GRID2: variants seen among roughly 807,000 people sequenced by gnomAD.
GRID2 encodes the protein glutamate ionotropic receptor delta type subunit 2.
GRID2 carries 33 observed loss-of-function variants against 114.8 expected under a neutral mutation model. The ratio of observed to expected loss-of-function variants is 0.29; its 90% CI spans 0.22 to 0.38. GRID2 has a LOEUF of 0.38. Among genes scored for constraint, GRID2 ranks in the 10% least tolerant of loss-of-function variants. GRID2 has a pLI of 1.00. For missense variants in GRID2, 1,184 were observed against 1,257.7 expected (o/e 0.94, Z 0.89); for synonymous variants, 505 against 449.9 (o/e 1.12, Z -1.55).
chr4:92,929,269 A>C (rs945733656), intron 2 of GRID2, among the ~76,000 whole-genome samples: 1 of 151,482 alleles, frequency 6.6e-6, no homozygotes, highest in African/African-American at 2.4e-5. Context: ...TTATCTAAAA[A>C]AGACTGATTT....
intron 14 of GRID2, among the ~76,000 whole-genome samples, chr4:93,693,707 G>A (rs989893751): frequency 2.6e-5 from 4 of 152,072 alleles, no homozygotes; most frequent in Admixed American, 1.3e-4. Flanking sequence ...AACAAACTAA[G>A]AGATTTAATT....
At chr4:92,821,004 T>C (rs960714088) in intron 2 of GRID2, among the ~76,000 whole-genome samples, 1 of 152,094 alleles carries the variant, frequency 6.6e-6, no homozygotes, top group African/African-American at 2.4e-5. Flanking sequence ...ATAAACAACT[T>C]ATACATGGAA....
intron 1 of GRID2, among the ~76,000 whole-genome samples, chr4:92,339,967 C>G (rs1452507394): frequency 2.0e-5 from 3 of 151,908 alleles, no homozygotes; most frequent in Non-Finnish European, 4.4e-5. Context: ...GAGCTTAGCA[C>G]GTGTAAACTG....
intron 3 of GRID2, among the ~76,000 whole-genome samples, chr4:93,088,499 C>A (rs1730516353): frequency 6.6e-6 from 1 of 152,022 alleles, no homozygotes; most frequent in South Asian, 2.1e-4. Context: ...GATGTAAACT[C>A]AGTTCTACTG....
At chr4:93,646,529 A>C (rs2149715267) in intron 14 of GRID2, among the ~76,000 whole-genome samples, 1 of 152,316 alleles carries the variant, frequency 6.6e-6, no homozygotes, top group African/African-American at 2.4e-5. Context: ...TAAAGACTTA[A>C]GAGTTTTTTC....
chr4:92,961,865 ATCTTTTTTTATTTT>A (rs1480115996), intron 2 of GRID2, among the ~76,000 whole-genome samples: 2 of 151,094 alleles, frequency 1.3e-5, no homozygotes, highest in Non-Finnish European at 3.0e-5. Context: ...GGTTTTTTTA[ATCTTTTTTTATTTT>A]TCTTTTTTGG....
At chr4:93,326,335 A>G (rs544446354) in intron 8 of GRID2, among the ~76,000 whole-genome samples, 4 of 152,262 alleles carry the variant, frequency 2.6e-5, no homozygotes, top group South Asian at 4.1e-4. Flanking sequence ...TCAAGAAGCT[A>G]GTTTCTAGAC....
chr4:93,742,594 G>A (rs374356396), intron 14 of GRID2, among the ~76,000 whole-genome samples: 10 of 152,182 alleles, frequency 6.6e-5, no homozygotes, highest in East Asian at 5.8e-4. Context: ...AATAATTCTC[G>A]CAATAGTTCA....
chr4:93,555,110 C>A (rs549452862), intron 13 of GRID2, among the ~76,000 whole-genome samples: 3 of 152,306 alleles, frequency 2.0e-5, no homozygotes, highest in African/African-American at 7.2e-5. Flanking sequence ...TCTTCGCAAC[C>A]TGCAGACCAG....
chr4:93,220,882 T>C (rs1018694118), intron 6 of GRID2, among the ~76,000 whole-genome samples: 12 of 152,184 alleles, frequency 7.9e-5, no homozygotes, highest in Non-Finnish European at 1.2e-4. Flanking sequence ...CCTATCAAAT[T>C]TGTAAATGGC....
At chr4:93,076,463 A>G (rs74356096) in intron 2 of GRID2, among the ~76,000 whole-genome samples, 4,228 of 152,168 alleles carry the variant, frequency 0.028, 198 homozygotes, top group African/African-American at 0.096. Flanking sequence ...AAATGCGACA[A>G]TGGTAAAAAG....
chr4:93,342,256 C>G (rs1759741915), intron 8 of GRID2, among the ~76,000 whole-genome samples: 1 of 152,112 alleles, frequency 6.6e-6, no homozygotes, highest in African/African-American at 2.4e-5. Context: ...GCCCTTTGCA[C>G]TAGCTAAATT....
intron 8 of GRID2, among the ~76,000 whole-genome samples, chr4:93,243,736 T>C (rs575421802): frequency 6.6e-6 from 1 of 152,226 alleles, no homozygotes; most frequent in South Asian, 2.1e-4. Flanking sequence ...TTCTCACTGA[T>C]GTTCATCTAA....
intron 1 of GRID2, among the ~76,000 whole-genome samples, chr4:92,576,045 G>T (rs1221112978): frequency 1.3e-5 from 2 of 152,224 alleles, no homozygotes; most frequent in Non-Finnish European, 2.9e-5. Context: ...AAGCCCACAG[G>T]CTGGAATGGC....
chr4:93,201,202 T>C (rs1742073717), intron 4 of GRID2, among the ~76,000 whole-genome samples: 1 of 152,238 alleles, frequency 6.6e-6, no homozygotes, highest in South Asian at 2.1e-4. Context: ...ATATTCATGT[T>C]AACCTGTTTA....
chr4:92,687,920 C>T (rs914692207), intron 2 of GRID2, among the ~76,000 whole-genome samples: 9 of 151,070 alleles, frequency 6.0e-5, no homozygotes, highest in Non-Finnish European at 8.8e-5. Flanking sequence ...GGTCATGCCT[C>T]GATGTTGATG....
chr4:92,794,757 C>G (rs1271691943), intron 2 of GRID2, among the ~76,000 whole-genome samples: 12 of 151,168 alleles, frequency 7.9e-5, no homozygotes, highest in African/African-American at 2.7e-4. Context: ...GCACTGACAC[C>G]TTGTGCAGTT....
chr4:93,758,966 C>A (rs1022717717), intron 14 of GRID2, among the ~76,000 whole-genome samples: 4 of 151,964 alleles, frequency 2.6e-5, no homozygotes, highest in Admixed American at 6.6e-5. Flanking sequence ...TTTCCAATTG[C>A]AATTATGCCC....
intron 1 of GRID2, among the ~76,000 whole-genome samples, chr4:92,502,942 T>A (rs1723761825): frequency 6.6e-6 from 1 of 152,060 alleles, no homozygotes; most frequent in African/African-American, 2.4e-5. Context: ...GATCTCAAAC[T>A]GCTGACCCCA....
Sources: gnomAD v4.1 joint callset for allele counts (sites outside exome capture counted in the v4.1 genomes callset) on GRCh38, gnomAD v4.1.1 for gene constraint, MANE v1.5 for transcripts, NCBI Gene and HGNC (gene_info 2026-07-23, HGNC 2026-07-21) for gene names.